The following COG3 variants were observed in gnomAD, a reference collection of about 807,000 sequenced individuals.
COG3 encodes component of oligomeric golgi complex 3.
Under a neutral mutation model 114.1 loss-of-function variants are expected in COG3, and 32 were observed. The observed-to-expected ratio is 0.28, with a 90% CI of 0.21 to 0.38. The LOEUF (loss-of-function observed/expected upper bound fraction) is 0.38, where lower values mean the gene tolerates loss of function less well. Ranked by LOEUF, COG3 falls within the 10% of genes least tolerant of loss-of-function variation. The pLI is 1.00. For synonymous variants in COG3, 352 were observed against 365.7 expected (o/e 0.96, Z 0.43); for missense variants, 813 against 973.2 (o/e 0.84, Z 2.19).
intron 19 of COG3, among the ~76,000 whole-genome samples, chr13:45,520,292 A>AT (rs1171485154): frequency 1.2e-5 from 1 of 83,202 alleles, no homozygotes; most frequent in Admixed American, 1.6e-4. Flanking sequence ...TCTCAAAAAA[A>AT]AAATAAAAAT....
At chr13:45,511,714 TTTTTG>T (rs1870886911) in intron 15 of COG3, 46 bp from the exon 16 acceptor site, 1 of 1,413,774 alleles carries the variant, frequency 7.1e-7, no homozygotes, top group Non-Finnish European at 1.0e-6. Context: ...TATTCCTTTT[TTTTTG>T]TTTTGTCAAA....
At chr13:45,504,929 G>C (rs1869959800) in intron 14 of COG3, among the ~76,000 whole-genome samples, 1 of 152,166 alleles carries the variant, frequency 6.6e-6, no homozygotes, top group African/African-American at 2.4e-5. Context: ...GGTCACGCCT[G>C]TAATCCTAGC....
chr13:45,535,263 C>T lies in COG3; in HGVS notation c.*532C>T. ...GGAGTAGATTGGTTGCTTCTGAGAA[C>T]ACATTCTGCCTTCCTGGGAAGTCGG... On this transcript the variant is annotated 3_prime_UTR_variant, in exon 23 of 23. Transcript: ENST00000349995. The T allele has an allele frequency of 1.0e-6, 1 of 985,430 alleles. No individual in the cohort carries two copies. The highest frequency in any genetic ancestry group is 1.7e-5 in the African/African-American group (1 of 57,352). 61.0% of individuals were successfully genotyped at this position (985,430 alleles called of 1,614,324 possible). A position where few individuals can be genotyped will look rare whatever the true frequency, so the allele number is the denominator to read the frequency against.
intron 17 of COG3, among the ~76,000 whole-genome samples, chr13:45,517,459 G>A (rs1187211666): frequency 6.6e-6 from 1 of 152,130 alleles, no homozygotes; most frequent in African/African-American, 2.4e-5. Context: ...TTTTGGTTCT[G>A]TAAAGCATGT....
At chr13:45,484,679 T>C (rs1344138871) in intron 7 of COG3, among the ~76,000 whole-genome samples, 3 of 144,564 alleles carry the variant, frequency 2.1e-5, no homozygotes, top group Non-Finnish European at 1.5e-5. Context: ...GGGACAATAG[T>C]GGAGGGAAGG....
chr13:45,517,564 G>GTTTTTTTTTTTTTTTTTTTTTT (rs1566268519), intron 17 of COG3, among the ~76,000 whole-genome samples: 3 of 151,956 alleles, frequency 2.0e-5, no homozygotes, highest in African/African-American at 7.3e-5. Context: ...GTTTTGGTTT[G>GTTTTTTTTTTTTTTTTTTTTTT]GTTTTTAAAT....
At chr13:45,486,338 A>AGGGAGAGGAAGAGGGAG (rs778425569) in intron 7 of COG3, among the ~76,000 whole-genome samples, 157 bp from the exon 8 acceptor site, 4 of 70,038 alleles carry the variant, frequency 5.7e-5, no homozygotes, top group Non-Finnish European at 1.1e-4. Context: ...GAGACGGGAG[A>AGGGAGAGGAAGAGGGAG]CGGGAGAGGG....
intron 14 of COG3, among the ~76,000 whole-genome samples, chr13:45,506,070 TA>T (rs1870110241): frequency 5.4e-5 from 2 of 37,378 alleles, no homozygotes; most frequent in Non-Finnish European, 1.3e-4. Flanking sequence ...CTAACTTTTC[TA>T]CTTTTTTAAA....
intron 5 of COG3, among the ~76,000 whole-genome samples, chr13:45,481,776 CAT>C (rs1173414868): frequency 6.6e-6 from 1 of 152,082 alleles, no homozygotes; most frequent in Non-Finnish European, 1.5e-5. Context: ...GTTTCTGACT[CAT>C]AAATTAATCA....
intron 7 of COG3, 111 bp downstream of exon 7, chr13:45,483,466 AC>A (rs1367411487): frequency 5.3e-6 from 4 of 758,980 alleles, no homozygotes; most frequent in Non-Finnish European, 7.8e-6. Context: ...AAAAATTTTA[AC>A]CTTTTGTTAA....
chr13:45,491,169 A>T (rs540380769), intron 9 of COG3, among the ~76,000 whole-genome samples: 1 of 152,318 alleles, frequency 6.6e-6, no homozygotes, highest in East Asian at 1.9e-4. Flanking sequence ...ATTTGGGCAG[A>T]TGTGGGGTCA....
chr13:45,471,888 A>T (rs1885516439), intron 1 of COG3, among the ~76,000 whole-genome samples: 1 of 151,990 alleles, frequency 6.6e-6, no homozygotes, highest in Admixed American at 6.6e-5. Context: ...GCCCGCCACT[A>T]CGCCTGGCTA....
chr13:45,486,723 A>G, intron 8 of COG3, 148 bp downstream of exon 8: 1 of 635,676 alleles, frequency 1.6e-6, no homozygotes, highest in Non-Finnish European at 2.8e-6. Context: ...ATAGCAGTGT[A>G]TCTTAGTGTT....
At chr13:45,489,598 C>T (rs1008930956) in intron 8 of COG3, among the ~76,000 whole-genome samples, 1 of 152,044 alleles carries the variant, frequency 6.6e-6, no homozygotes, top group Non-Finnish European at 1.5e-5. Flanking sequence ...GTGATGGGGT[C>T]CCATTTATAT....
intron 13 of COG3, 135 bp from the exon 14 acceptor site, chr13:45,503,109 G>A: frequency 2.3e-6 from 1 of 437,830 alleles, no homozygotes; most frequent in Non-Finnish European, 4.1e-6. Flanking sequence ...TATTCAGAAT[G>A]TATCCAGTCT....
At chr13:45,518,134 A>G (rs1372602634) in intron 17 of COG3, among the ~76,000 whole-genome samples, 1 of 152,222 alleles carries the variant, frequency 6.6e-6, no homozygotes, top group Non-Finnish European at 1.5e-5. Flanking sequence ...CAAGCATTTC[A>G]TGCTTTGCTT....
At chr13:45,512,472 C>T (rs1473517207) in intron 16 of COG3, among the ~76,000 whole-genome samples, 1 of 152,048 alleles carries the variant, frequency 6.6e-6, no homozygotes, top group Non-Finnish European at 1.5e-5. Flanking sequence ...TCTGGGACTA[C>T]AGGCATGTAC....
intron 8 of COG3, among the ~76,000 whole-genome samples, chr13:45,487,959 A>G (rs1006590057): frequency 1.3e-5 from 2 of 152,370 alleles, no homozygotes; most frequent in African/African-American, 4.8e-5. Flanking sequence ...GCAATAGTAA[A>G]GATATGGAAT....
intron 8 of COG3, 58 bp from the exon 9 acceptor site, chr13:45,490,856 GA>G (rs1555295690): frequency 9.1e-6 from 8 of 875,046 alleles, no homozygotes; most frequent in Non-Finnish European, 1.4e-5. Context: ...ATTATAATCA[GA>G]AAGTAATGGA....
Sources: allele counts gnomAD v4.1 joint callset (sites outside exome capture counted in the v4.1 genomes callset), GRCh38; gene constraint gnomAD v4.1.1; transcripts MANE v1.5; gene names NCBI Gene and HGNC (gene_info 2026-07-23, HGNC 2026-07-21).